Variants in CLOCK observed in about 807,000 individuals in gnomAD.
CLOCK encodes the protein circadian locomoter output cycles protein kaput.
In CLOCK, 43 loss-of-function variants were observed where a neutral mutation model predicts 118.4. The ratio of observed to expected loss-of-function variants is 0.36; its 90% CI spans 0.28 to 0.47. CLOCK has a LOEUF of 0.47. CLOCK is among the 20% of genes least tolerant of loss of function. The pLI is 1.00. For missense variants in CLOCK, 846 were observed against 999.9 expected (o/e 0.85, Z 2.08); for synonymous variants, 326 against 339.2 (o/e 0.96, Z 0.43).
intron 18 of CLOCK, 112 bp downstream of exon 18, chr4:55,448,667 A>G: frequency 1.5e-6 from 1 of 678,782 alleles, no homozygotes; most frequent in East Asian, 3.1e-5. Flanking sequence ...CCTCCCAAGT[A>G]GCTGTGGCTA....
Position 55,443,800 on chromosome 4 carries a change from T to C in CLOCK, c.1789A>G (p.Met597Val), listed in dbSNP as rs372671960. The change falls in exon 20 of 23, where the codon ATG becomes GTG. Residue 597 changes from methionine to valine, a missense_variant. Met to Val is a conservative substitution (Grantham distance 21). Around this residue, in one of 4 missense-constraint regions of CLOCK, gnomAD observed 520 missense variants for 558.0 expected, o/e 0.93. Transcript: ENST00000513440. ...SNIQQLAPIN[M>V]QGQVVPTNQI... ...TTAGTAGGAACAACTTGGCCTTGCA[T>C]ATTTATAGGTGCAAGTTGCTGGATA... 12 of 1,613,958 alleles carry C rather than the reference T, an allele frequency of 7.4e-6. No homozygotes were observed. The highest frequency in any genetic ancestry group is 1.7e-5 in the Admixed American group (1 of 60,028).
rs3749473 is a variant in CLOCK, at chr4:55,428,461, T to C, written c.*6954A>G. 0.46 allele frequency: 70,332 copies of C among 152,066 alleles called. 17,793 individuals carry two copies. The highest frequency in any genetic ancestry group is 0.88 in the East Asian group (4,554 of 5,184). 9.4% of individuals were successfully genotyped at this position (152,066 alleles called of 1,614,324 possible). A position where few individuals can be genotyped will look rare whatever the true frequency, so the allele number is the denominator to read the frequency against. ...TTGAAACCATTCATTATCCTTCATG[T>C]GTGTATGCAATTCAGAATTTCGGCA... On this transcript the variant is annotated 3_prime_UTR_variant, in exon 23 of 23. Transcript: ENST00000513440.
intron 6 of CLOCK, among the ~76,000 whole-genome samples, chr4:55,478,611 C>T (rs185791239): frequency 5.3e-5 from 8 of 152,200 alleles, no homozygotes; most frequent in African/African-American, 1.9e-4. Flanking sequence ...GGACTGTTAC[C>T]CTGCATCATG....
intron 21 of CLOCK, 48 bp downstream of exon 21, chr4:55,442,384 T>G (rs773314072): frequency 3.4e-6 from 5 of 1,491,066 alleles, no homozygotes; most frequent in Admixed American, 1.7e-5. Context: ...TGTTTTCTAA[T>G]CAATCGGTTT....
intron 18 of CLOCK, among the ~76,000 whole-genome samples, 176 bp downstream of exon 18, chr4:55,448,593 CACGCGCGCGT>C (rs1334298408): frequency 0.023 from 1,518 of 64,848 alleles, 28 homozygotes; most frequent in African/African-American, 0.071. Context: ...TGCGCGCGCG[CACGCGCGCGT>C]GTGTGTGTGT....
intron 3 of CLOCK, among the ~76,000 whole-genome samples, chr4:55,483,933 C>T (rs1727113777): frequency 6.6e-6 from 1 of 152,086 alleles, no homozygotes; most frequent in African/African-American, 2.4e-5. Flanking sequence ...AATCTGAAAA[C>T]CTGAAATCCA....
Position 55,458,891 on chromosome 4 carries a change from C to G in CLOCK, c.792+1G>C. 6.3e-7 allele frequency: 1 copy of G among 1,597,334 alleles called. No homozygotes were observed. The highest frequency in any genetic ancestry group is 1.1e-5 in the South Asian group (1 of 90,728). On this transcript the variant is annotated splice_donor_variant, in intron 11 of 22. Transcript: ENST00000513440. LOFTEE classifies it high-confidence loss of function. ...TTTGGGAAATAAAATTAAAAACATA[C>G]CTTGATGAACTGAGGTGTAGCTAAC...
At chr4:55,466,982 C>A (rs1725779402) in intron 8 of CLOCK, among the ~76,000 whole-genome samples, 1 of 152,108 alleles carries the variant, frequency 6.6e-6, no homozygotes, top group East Asian at 1.9e-4. Context: ...TTGGATGACA[C>A]AAACAATTTT....
intron 17 of CLOCK, 47 bp from the exon 18 acceptor site, chr4:55,448,915 C>T: frequency 2.2e-6 from 3 of 1,349,732 alleles, no homozygotes; most frequent in Non-Finnish European, 3.2e-6. Context: ...CATTCCCATA[C>T]ATGAGTACTT....
chr4:55,495,203 C>T (rs1384203611), intron 2 of CLOCK, among the ~76,000 whole-genome samples: 1 of 152,130 alleles, frequency 6.6e-6, no homozygotes, highest in Non-Finnish European at 1.5e-5. Flanking sequence ...CCTACACTGA[C>T]CCCTTTTCTC....
chr4:55,453,172 C>G (rs201598051), intron 14 of CLOCK, 43 bp from the exon 15 acceptor site: 2 of 1,461,636 alleles, frequency 1.4e-6, no homozygotes, highest in Non-Finnish European at 1.9e-6. Context: ...TCTGGTCATT[C>G]GTTTAAAATA....
chr4:55,512,124 A>G (rs978713897), intron 1 of CLOCK, among the ~76,000 whole-genome samples: 4 of 152,084 alleles, frequency 2.6e-5, no homozygotes, highest in Non-Finnish European at 1.5e-5. Context: ...GCTAGATCAT[A>G]TGGTAAGACT....
In CLOCK at chr4:55,493,130, A is replaced by G. The variant is rs142042327; in HGVS notation, c.-135-3665T>C. Among the ~76,000 whole-genome samples, 1,476 of 152,206 alleles carry G rather than the reference A, an allele frequency of 9.7e-3. 28 individuals carry two copies. Among genetic ancestry groups the G allele is most frequent in the African/African-American group, 0.034 (1,408 of 41,546 alleles). ...AATACTAGAGGCCTAGCTATACATG[A>G]GGAGGCAAATAAGATAAAACACAAC... On this transcript the variant is annotated intron_variant, in intron 2 of 22. Coordinates refer to ENST00000513440, the MANE Select transcript of CLOCK (RefSeq NM_004898.4).
rs1033370491 is a variant in CLOCK at position 55,431,754 on chromosome 4, C to T, written c.*3661G>A. The T allele has an allele frequency of 6.6e-6, 1 of 152,208 alleles. No individual in the cohort carries two copies. Among genetic ancestry groups the T allele is most frequent in the Admixed American group, 6.5e-5 (1 of 15,282 alleles). 9.4% of individuals were successfully genotyped at this position (152,208 alleles called of 1,614,324 possible). ...CTAAAGTAAAATGCTATTTGCATTC[C>T]ACTTTTAAAAAGTTTGCCTCAATGT... On this transcript the variant is annotated 3_prime_UTR_variant, in exon 23 of 23. Transcript: ENST00000513440.
At chr4:55,536,090 C>T (rs562438690) in intron 1 of CLOCK, among the ~76,000 whole-genome samples, 13 of 152,202 alleles carry the variant, frequency 8.5e-5, no homozygotes, top group African/African-American at 2.9e-4. Context: ...CTCCCCTCAG[C>T]ATACTTGCTG....
intron 2 of CLOCK, among the ~76,000 whole-genome samples, chr4:55,493,726 A>G (rs927138783): frequency 6.6e-6 from 1 of 152,190 alleles, no homozygotes; most frequent in African/African-American, 2.4e-5. Flanking sequence ...TATTGGCAAA[A>G]TAAAACACAT....
In CLOCK at chr4:55,523,298, A is replaced by AAAAC. The variant is rs952690763; in HGVS notation, c.-289-13237_-289-13234dup. Among the ~76,000 whole-genome samples, 5 of 152,198 alleles carry AAAAC rather than the reference A, an allele frequency of 3.3e-5. No individual in the cohort carries two copies. In the East Asian group the frequency reaches 5.8e-4, roughly 18 times the overall value. On this transcript the variant is annotated intron_variant, in intron 1 of 22. Transcript: ENST00000513440. ...TGGGAGACAGACCCAGACTCTGTCA[A>AAAAC]AAACAAACAAACAAACAAAACCAGA...
At chr4:55,462,916 A>T (rs1725464168) in intron 9 of CLOCK, among the ~76,000 whole-genome samples, 1 of 152,160 alleles carries the variant, frequency 6.6e-6, no homozygotes, top group Non-Finnish European at 1.5e-5. Flanking sequence ...TTCAAATACA[A>T]AGAATCTTTA....
intron 1 of CLOCK, among the ~76,000 whole-genome samples, chr4:55,522,044 A>T (rs1163757844): frequency 6.6e-6 from 1 of 152,342 alleles, no homozygotes; most frequent in East Asian, 1.9e-4. Flanking sequence ...TGGACTATCC[A>T]TTAATGGTAG....
Sources: gnomAD v4.1 joint callset for allele counts (sites outside exome capture counted in the v4.1 genomes callset) on GRCh38, gnomAD v4.1.1 for gene constraint, gnomAD v4.1.1 regional missense constraint, MANE v1.5 for transcripts, NCBI Gene and HGNC (gene_info 2026-07-23, HGNC 2026-07-21) for gene names.